The following LINGO2 variants were observed in gnomAD, a reference collection of about 807,000 sequenced individuals.
LINGO2 encodes the protein leucine-rich repeat and immunoglobulin-like domain-containing nogo receptor-interacting protein 2.
A neutral mutation model predicts 30.6 loss-of-function variants in LINGO2; 14 were observed. The ratio of observed to expected loss-of-function variants is 0.46; its 90% CI spans 0.30 to 0.72. LINGO2 has a LOEUF of 0.72. LINGO2 is among the 30% of genes least tolerant of loss of function. The pLI, the probability that LINGO2 is intolerant of heterozygous loss-of-function variation, is 0.07. For synonymous variants in LINGO2, 317 were observed against 288.5 expected (o/e 1.10, Z -1.00); for missense variants, 729 against 751.7 (o/e 0.97, Z 0.35).
chr9:28,504,243 C>G (rs1820009008), intron 1 of LINGO2, among the ~76,000 whole-genome samples: 2 of 151,770 alleles, frequency 1.3e-5, no homozygotes, highest in South Asian at 4.1e-4. Flanking sequence ...TTCCCACATA[C>G]TTATATATTT....
intron 3 of LINGO2, among the ~76,000 whole-genome samples, chr9:28,333,705 G>C (rs1466153208): frequency 6.6e-6 from 1 of 152,104 alleles, no homozygotes; most frequent in Non-Finnish European, 1.5e-5. Context: ...AATCACGTCA[G>C]GGCCGTGCCA....
the LINGO2 span, among the ~76,000 whole-genome samples, chr9:28,686,227 C>T: frequency 6.6e-6 from 1 of 151,902 alleles, no homozygotes; most frequent in Non-Finnish European, 1.5e-5. Flanking sequence ...CAATGTAAGT[C>T]TTTGTGCTAA....
intron 4 of LINGO2, among the ~76,000 whole-genome samples, chr9:28,151,279 T>A (rs1402499353): frequency 6.6e-6 from 1 of 152,068 alleles, no homozygotes; most frequent in Non-Finnish European, 1.5e-5. Flanking sequence ...GAAAAAAGAC[T>A]AAAATCTCCT....
intron 5 of LINGO2, among the ~76,000 whole-genome samples, chr9:28,006,162 G>A (rs752451028): frequency 1.2e-4 from 18 of 151,842 alleles, no homozygotes; most frequent in Non-Finnish European, 2.6e-4. Flanking sequence ...GAAAAAAGAT[G>A]GAAAAAAGCA....
the LINGO2 span, among the ~76,000 whole-genome samples, chr9:28,977,976 A>T: frequency 6.6e-6 from 1 of 152,166 alleles, no homozygotes; most frequent in African/African-American, 2.4e-5. Flanking sequence ...ATAATCACAG[A>T]ACTGGGAAGC....
chr9:28,630,309 C>T (rs752653717), intron 1 of LINGO2, among the ~76,000 whole-genome samples: 11 of 151,932 alleles, frequency 7.2e-5, no homozygotes, highest in South Asian at 2.1e-4. Flanking sequence ...TTATAGCATA[C>T]GTTGTATGTT....
the LINGO2 span, among the ~76,000 whole-genome samples, chr9:29,077,820 T>A: frequency 1.3e-5 from 2 of 150,340 alleles, no homozygotes; most frequent in Admixed American, 6.6e-5. Flanking sequence ...CAGAATTATT[T>A]AAAAAAAAAT....
chr9:28,458,016 A>G (rs1228814301), intron 2 of LINGO2, among the ~76,000 whole-genome samples: 1 of 152,172 alleles, frequency 6.6e-6, no homozygotes, highest in Non-Finnish European at 1.5e-5. Context: ...GGAGACTATA[A>G]TTATCAATTT....
At chr9:28,907,449 G>A in the LINGO2 span, among the ~76,000 whole-genome samples, 2 of 151,736 alleles carry the variant, frequency 1.3e-5, no homozygotes, top group African/African-American at 4.8e-5. Context: ...CTGATCAACA[G>A]TGTAGTAGAT....
chr9:27,981,509 A>G (rs1021987834), intron 5 of LINGO2, among the ~76,000 whole-genome samples: 2 of 143,404 alleles, frequency 1.4e-5, no homozygotes, highest in African/African-American at 2.5e-5. Context: ...TGGAGATGAT[A>G]TGAAAGGATA....
At chr9:29,147,911 C>A in the LINGO2 span, among the ~76,000 whole-genome samples, 8 of 152,110 alleles carry the variant, frequency 5.3e-5, no homozygotes, top group South Asian at 1.5e-3. Flanking sequence ...CCCTATAATT[C>A]TTTAGTGATT....
chr9:28,527,338 TA>T (rs1821074678), intron 1 of LINGO2, among the ~76,000 whole-genome samples: 1 of 152,198 alleles, frequency 6.6e-6, no homozygotes, highest in Non-Finnish European at 1.5e-5. Context: ...ATTCATTCTG[TA>T]AAAACGTATT....
chr9:28,514,650 A>T (rs1053151717), intron 1 of LINGO2, among the ~76,000 whole-genome samples: 1 of 152,214 alleles, frequency 6.6e-6, no homozygotes, highest in Non-Finnish European at 1.5e-5. Flanking sequence ...AGTAGATGTT[A>T]GTTCATGAAG....
chr9:28,783,186 C>T, the LINGO2 span, among the ~76,000 whole-genome samples: 1 of 151,988 alleles, frequency 6.6e-6, no homozygotes, highest in Non-Finnish European at 1.5e-5. Context: ...ACTGTCAGTA[C>T]CTAAAGAAAT....
At chr9:29,127,684 G>A in the LINGO2 span, among the ~76,000 whole-genome samples, 3 of 151,942 alleles carry the variant, frequency 2.0e-5, no homozygotes, top group Non-Finnish European at 2.9e-5. Context: ...GAGGGCAACC[G>A]GCTGGAGCCA....
At chr9:28,215,518 A>T (rs1368353776) in intron 4 of LINGO2, among the ~76,000 whole-genome samples, 1 of 151,888 alleles carries the variant, frequency 6.6e-6, no homozygotes, top group Non-Finnish European at 1.5e-5. Flanking sequence ...TGGTGCTTAA[A>T]TCACATTTTT....
the LINGO2 span, among the ~76,000 whole-genome samples, chr9:28,996,412 A>T: frequency 6.6e-6 from 1 of 152,162 alleles, no homozygotes; most frequent in Non-Finnish European, 1.5e-5. Context: ...ACAGATCAGG[A>T]ATCATACCAT....
At chr9:28,612,950 G>C (rs1301563951) in intron 1 of LINGO2, among the ~76,000 whole-genome samples, 3 of 152,090 alleles carry the variant, frequency 2.0e-5, no homozygotes, top group African/African-American at 7.2e-5. Context: ...GGAGATAATG[G>C]AATCATGGGG....
At chr9:28,865,058 A>G in the LINGO2 span, among the ~76,000 whole-genome samples, 1 of 152,186 alleles carries the variant, frequency 6.6e-6, no homozygotes, top group Non-Finnish European at 1.5e-5. Context: ...ATATAAGAGA[A>G]CTGAAAGAGT....
Sources: allele counts gnomAD v4.1 joint callset (sites outside exome capture counted in the v4.1 genomes callset), GRCh38; gene constraint gnomAD v4.1.1; transcripts MANE v1.5; gene names NCBI Gene and HGNC (gene_info 2026-07-23, HGNC 2026-07-21).